Variants in SPON1 observed in about 807,000 individuals in gnomAD.
The protein encoded by SPON1 is spondin-1.
In SPON1, 52 loss-of-function variants were observed where a neutral mutation model predicts 111.7. The observed-to-expected ratio is 0.47, with a 90% CI of 0.37 to 0.59. The LOEUF is 0.59. Among genes scored for constraint, SPON1 ranks in the 20% least tolerant of loss-of-function variants. The probability of loss-of-function intolerance (pLI) is 0.00; values close to 1 mark genes in which losing one functional copy is unlikely to be tolerated. For synonymous variants in SPON1, 410 were observed against 395.8 expected (o/e 1.04, Z -0.43); for missense variants, 957 against 1,068.5 (o/e 0.90, Z 1.46).
At chr11:14,200,141 A>C (rs917925108) in intron 6 of SPON1, among the ~76,000 whole-genome samples, 5 of 150,776 alleles carry the variant, frequency 3.3e-5, no homozygotes, top group Admixed American at 6.6e-5. Flanking sequence ...CCTATTCTCT[A>C]TGTTATATGT....
intron 2 of SPON1, among the ~76,000 whole-genome samples, chr11:13,983,700 CAGA>C (rs1375386520): frequency 6.6e-6 from 1 of 152,186 alleles, no homozygotes; most frequent in East Asian, 1.9e-4. Flanking sequence ...GAACACATCC[CAGA>C]AGGACTGGAG....
chr11:14,253,127 C>G (rs1228629398), intron 7 of SPON1, among the ~76,000 whole-genome samples: 2 of 152,204 alleles, frequency 1.3e-5, no homozygotes, highest in African/African-American at 4.8e-5. Flanking sequence ...AGCACCAGGA[C>G]CTTGTCAATC....
chr11:14,051,813 T>G (rs1208135320), intron 3 of SPON1, among the ~76,000 whole-genome samples: 1 of 152,242 alleles, frequency 6.6e-6, no homozygotes, highest in Non-Finnish European at 1.5e-5. Flanking sequence ...AAGTAGCTTA[T>G]ATTTATTGCT....
intron 6 of SPON1, among the ~76,000 whole-genome samples, chr11:14,190,206 A>G (rs1848330203): frequency 6.8e-6 from 1 of 147,542 alleles, no homozygotes; most frequent in Non-Finnish European, 1.5e-5. Context: ...AGCAAGAACA[A>G]GCTGTACAAG....
intron 1 of SPON1, among the ~76,000 whole-genome samples, chr11:13,967,603 A>G (rs1848028298): frequency 6.6e-6 from 1 of 152,060 alleles, no homozygotes. Flanking sequence ...ATGTTATATG[A>G]CCATGCCTGT....
chr11:14,006,947 A>G (rs1848366529), intron 2 of SPON1, among the ~76,000 whole-genome samples: 1 of 152,180 alleles, frequency 6.6e-6, no homozygotes, highest in South Asian at 2.1e-4. Flanking sequence ...GAAATTCAAA[A>G]TTCATCTCAC....
chr11:14,080,558 T>C (rs1848954838), intron 5 of SPON1, among the ~76,000 whole-genome samples: 1 of 152,152 alleles, frequency 6.6e-6, no homozygotes, highest in Non-Finnish European at 1.5e-5. Flanking sequence ...TCTGTGATTT[T>C]TAAAAATATT....
intron 6 of SPON1, among the ~76,000 whole-genome samples, chr11:14,153,825 A>T (rs1279090475): frequency 1.3e-5 from 2 of 152,232 alleles, no homozygotes; most frequent in African/African-American, 2.4e-5. Context: ...TACTTCCAAG[A>T]TACAATGAGG....
At chr11:14,027,987 G>T (rs1423103999) in intron 2 of SPON1, among the ~76,000 whole-genome samples, 1 of 152,044 alleles carries the variant, frequency 6.6e-6, no homozygotes, top group African/African-American at 2.4e-5. Context: ...TTCTAGTATT[G>T]AGTCAAAACT....
chr11:14,117,170 G>A (rs546668742), intron 5 of SPON1, among the ~76,000 whole-genome samples: 1 of 151,958 alleles, frequency 6.6e-6, no homozygotes, highest in Non-Finnish European at 1.5e-5. Flanking sequence ...AATCTTTATA[G>A]CTTCTCTTTT....
chr11:14,199,330 C>T (rs1341425187), intron 6 of SPON1, among the ~76,000 whole-genome samples: 3 of 152,156 alleles, frequency 2.0e-5, no homozygotes, highest in Non-Finnish European at 2.9e-5. Flanking sequence ...ATAGCACCAA[C>T]GTCTGCCTAG....
Position 14,265,831 on chromosome 11 carries a change from G to C in SPON1, c.*144G>C. The C allele has an allele frequency of 1.1e-6, 1 of 935,230 alleles. No individual in the cohort carries two copies. The highest frequency in any genetic ancestry group is 1.6e-6 in the Non-Finnish European group (1 of 634,000). 57.9% of individuals were successfully genotyped at this position (935,230 alleles called of 1,614,324 possible). Reference sequence around the variant, plus strand: ...TCGCCCAGTAGTCTTGTGGATGCCAGAGACATCCTTTCTGAATACTTCTTG... The same window carrying C: ...TCGCCCAGTAGTCTTGTGGATGCCACAGACATCCTTTCTGAATACTTCTTG... On this transcript the variant is annotated 3_prime_UTR_variant, in exon 16 of 16. Coordinates refer to ENST00000576479, the MANE Select transcript of SPON1 (RefSeq NM_006108.4).
chr11:13,969,767 C>A (rs138348642), intron 1 of SPON1, among the ~76,000 whole-genome samples: 1 of 152,248 alleles, frequency 6.6e-6, no homozygotes, highest in African/African-American at 2.4e-5. Context: ...ATCTAAACAC[C>A]CTACCCCCAA....
chr11:14,261,156 ATCAATGAC>A (rs1269707038), intron 14 of SPON1, among the ~76,000 whole-genome samples: 2 of 152,190 alleles, frequency 1.3e-5, no homozygotes, highest in Non-Finnish European at 2.9e-5. Flanking sequence ...TGGACATTAA[ATCAATGAC>A]TCCTGCAGAC....
At chr11:14,125,105 A>G (rs1327792643) in intron 5 of SPON1, among the ~76,000 whole-genome samples, 2 of 152,240 alleles carry the variant, frequency 1.3e-5, no homozygotes, top group Non-Finnish European at 2.9e-5. Context: ...GCAGCCAAGA[A>G]CAGAGAATGC....
chr11:14,026,491 T>C (rs1848519104), intron 2 of SPON1, among the ~76,000 whole-genome samples: 1 of 152,206 alleles, frequency 6.6e-6, no homozygotes, highest in African/African-American at 2.4e-5. Context: ...TGCTTTTACG[T>C]CCTAAAGAAG....
intron 6 of SPON1, among the ~76,000 whole-genome samples, chr11:14,222,124 T>A (rs1848687128): frequency 6.6e-6 from 1 of 152,244 alleles, no homozygotes; most frequent in African/African-American, 2.4e-5. Flanking sequence ...AAAGAGTATT[T>A]CTGACAAAGC....
chr11:14,214,852 G>A (rs1241283750), intron 6 of SPON1, among the ~76,000 whole-genome samples: 2 of 152,136 alleles, frequency 1.3e-5, no homozygotes, highest in South Asian at 4.1e-4. Context: ...GAGGATGAAG[G>A]GGATGTGTTT....
chr11:14,052,802 C>G (rs1351419628), intron 3 of SPON1, among the ~76,000 whole-genome samples: 3 of 152,176 alleles, frequency 2.0e-5, no homozygotes, highest in African/African-American at 4.8e-5. Flanking sequence ...ATCCAGCCCC[C>G]AGGGGAGAAA....
Sources: allele counts gnomAD v4.1 joint callset (sites outside exome capture counted in the v4.1 genomes callset), GRCh38; gene constraint gnomAD v4.1.1; transcripts MANE v1.5; gene names NCBI Gene and HGNC (gene_info 2026-07-23, HGNC 2026-07-21).